CADM1: variants seen among roughly 807,000 people sequenced by gnomAD.
CADM1 encodes cell adhesion molecule 1.
In CADM1, 15 loss-of-function variants were observed where a neutral mutation model predicts 53.1. That is an observed-to-expected ratio of 0.28 (90% CI 0.19 to 0.44). The LOEUF is 0.44. CADM1 is among the 20% of genes least tolerant of loss of function. The pLI is 1.00. For missense variants in CADM1, 434 were observed against 611.3 expected (o/e 0.71, Z 3.06); for synonymous variants, 281 against 243.0 (o/e 1.16, Z -1.45).
intron 5 of CADM1, among the ~76,000 whole-genome samples, chr11:115,220,136 T>A (rs1180012683): frequency 3.3e-5 from 5 of 152,182 alleles, no homozygotes; most frequent in Non-Finnish European, 7.3e-5. Context: ...GAATGCTTGC[T>A]GGCCTATGTG....
intron 8 of CADM1, among the ~76,000 whole-genome samples, chr11:115,199,243 A>C (rs1184687698): frequency 6.6e-6 from 1 of 152,236 alleles, no homozygotes; most frequent in South Asian, 2.1e-4. Context: ...ACATTCCAAA[A>C]ATTTAAGTAT....
chr11:115,379,053 T>C (rs1435031510), intron 1 of CADM1, among the ~76,000 whole-genome samples: 1 of 152,206 alleles, frequency 6.6e-6, no homozygotes, highest in Non-Finnish European at 1.5e-5. Flanking sequence ...CTAGATGATG[T>C]AGCATGAGTG....
chr11:115,433,613 A>C (rs934913089), intron 1 of CADM1, among the ~76,000 whole-genome samples: 5 of 152,220 alleles, frequency 3.3e-5, no homozygotes, highest in African/African-American at 1.2e-4. Context: ...AGGATCCTCA[A>C]TCACATACAG....
At chr11:115,209,878 G>T (rs561644391) in intron 7 of CADM1, among the ~76,000 whole-genome samples, 1 of 152,172 alleles carries the variant, frequency 6.6e-6, no homozygotes, top group Non-Finnish European at 1.5e-5. Context: ...CATTAATGAA[G>T]TGAATTAGGG....
intron 1 of CADM1, among the ~76,000 whole-genome samples, chr11:115,324,464 G>C (rs1037931201): frequency 6.6e-6 from 1 of 151,782 alleles, no homozygotes; most frequent in African/African-American, 2.4e-5. Context: ...ATATACTACA[G>C]AGCCCCAATC....
chr11:115,441,462 G>A (rs1329744960), intron 1 of CADM1, among the ~76,000 whole-genome samples: 1 of 152,142 alleles, frequency 6.6e-6, no homozygotes, highest in East Asian at 1.9e-4. Context: ...ACTCCTATGT[G>A]GAACTGCAAA....
chr11:115,204,362 T>C (rs1024744536), intron 8 of CADM1, among the ~76,000 whole-genome samples: 1 of 152,196 alleles, frequency 6.6e-6, no homozygotes, highest in African/African-American at 2.4e-5. Context: ...ATCACCCCAA[T>C]TGTACAGTAT....
At chr11:115,385,419 G>A (rs1298362237) in intron 1 of CADM1, among the ~76,000 whole-genome samples, 1 of 152,082 alleles carries the variant, frequency 6.6e-6, no homozygotes, top group Non-Finnish European at 1.5e-5. Flanking sequence ...CTCAAGAGTT[G>A]AAACAGACAA....
rs543905594 is a variant in CADM1, at chr11:115,418,076, TCTC to T, written c.124+86192_124+86194del. Among the ~76,000 whole-genome samples the T allele has an allele frequency of 3.2e-4, 48 of 152,282 alleles. 1 individual carries two copies. The highest frequency in any genetic ancestry group is 1.1e-3 in the African/African-American group (47 of 41,560). ...AACTTGACGTGAAGAAAAATTTTGC[TCTC>T]CTTCCTCTTTTACCTTTTGCACATT... On this transcript the variant is annotated intron_variant, in intron 1 of 11. Coordinates refer to ENST00000331581, the MANE Select transcript of CADM1 (RefSeq NM_001301043.2).
intron 1 of CADM1, among the ~76,000 whole-genome samples, chr11:115,474,702 G>A: frequency 8.0e-6 from 1 of 124,292 alleles, no homozygotes; most frequent in Admixed American, 9.4e-5. Context: ...CAGTCGTGGG[G>A]TGGGGGGAGG....
At chr11:115,459,585 T>C (rs1257307392) in intron 1 of CADM1, among the ~76,000 whole-genome samples, 2 of 152,062 alleles carry the variant, frequency 1.3e-5, no homozygotes, top group Admixed American at 6.6e-5. Flanking sequence ...TGAGCAAAGA[T>C]AAGGAGGCTC....
chr11:115,332,720 G>A (rs1356597419), intron 1 of CADM1, among the ~76,000 whole-genome samples: 1 of 152,142 alleles, frequency 6.6e-6, no homozygotes, highest in African/African-American at 2.4e-5. Flanking sequence ...CCTCCACTGA[G>A]CAGAAGGTAG....
chr11:115,292,937 C>A (rs1316419150), intron 1 of CADM1, among the ~76,000 whole-genome samples: 1 of 152,122 alleles, frequency 6.6e-6, no homozygotes, highest in African/African-American at 2.4e-5. Context: ...ACTGTAATAG[C>A]CTTCAGGATA....
chr11:115,290,059 C>T (rs987262893), intron 1 of CADM1, among the ~76,000 whole-genome samples: 1 of 152,192 alleles, frequency 6.6e-6, no homozygotes, highest in Admixed American at 6.5e-5. Context: ...AGCGCCACAG[C>T]GTCGTGCTCA....
intron 10 of CADM1, among the ~76,000 whole-genome samples, chr11:115,186,469 A>G (rs541352641): frequency 5.3e-5 from 8 of 152,230 alleles, no homozygotes; most frequent in Admixed American, 5.2e-4. Flanking sequence ...GGTCAAGAGG[A>G]TTACCAAAGG....
At chr11:115,486,664 G>C (rs956358155) in intron 1 of CADM1, among the ~76,000 whole-genome samples, 1 of 152,110 alleles carries the variant, frequency 6.6e-6, no homozygotes, top group Non-Finnish European at 1.5e-5. Flanking sequence ...ATTTAAACCT[G>C]ACATTCAAAG....
intron 8 of CADM1, among the ~76,000 whole-genome samples, chr11:115,206,499 G>A (rs1162607792): frequency 6.6e-6 from 1 of 152,134 alleles, no homozygotes. Flanking sequence ...ATGTTTCAAG[G>A]AAGTCAGGCG....
chr11:115,254,238 T>C (rs1429890705), intron 1 of CADM1, among the ~76,000 whole-genome samples: 2 of 152,192 alleles, frequency 1.3e-5, no homozygotes, highest in East Asian at 3.8e-4. Context: ...AATTACTAAA[T>C]GATAAGCTGT....
Position 115,342,429 on chromosome 11 carries a change from A to T in CADM1, c.125-102009T>A, listed in dbSNP as rs989539017. Among the ~76,000 whole-genome samples the T allele has an allele frequency of 2.2e-4, 33 of 152,282 alleles. 2 individuals carry two copies. Among genetic ancestry groups the T allele is most frequent in the Admixed American group, 1.9e-3 (29 of 15,286 alleles). ...AAGGAGATGGAAGGAAGATAAAGAG[A>T]TTCTACATGGAGGAACAGAGTGAGT... On this transcript the variant is annotated intron_variant, in intron 1 of 11. Coordinates refer to ENST00000331581, the MANE Select transcript of CADM1 (RefSeq NM_001301043.2).
Sources: allele counts gnomAD v4.1 joint callset (sites outside exome capture counted in the v4.1 genomes callset), GRCh38; gene constraint gnomAD v4.1.1; transcripts MANE v1.5; gene names NCBI Gene and HGNC (gene_info 2026-07-23, HGNC 2026-07-21).